Variants in ARHGEF10 observed in about 807,000 individuals in gnomAD.
The protein encoded by ARHGEF10 is Rho guanine nucleotide exchange factor 10.
ARHGEF10 carries 140 observed loss-of-function variants against 147.4 expected under a neutral mutation model. That is an observed-to-expected ratio of 0.95 (90% CI 0.83 to 1.09). The LOEUF is 1.09. Among genes scored for constraint, ARHGEF10 ranks in the 50% least tolerant of loss-of-function variants. The pLI, the probability that ARHGEF10 is intolerant of heterozygous loss-of-function variation, is 0.00. For missense variants in ARHGEF10, 2,222 were observed against 1,752.7 expected (o/e 1.27, Z -4.78); for synonymous variants, 902 against 695.8 (o/e 1.30, Z -4.67).
At chr8:1,883,907 C>T (rs1002982769) in intron 10 of ARHGEF10, among the ~76,000 whole-genome samples, 1 of 152,180 alleles carries the variant, frequency 6.6e-6, no homozygotes, top group Non-Finnish European at 1.5e-5. Flanking sequence ...ATTCCAGGAG[C>T]TGATCACAAC....
At chr8:1,877,909 G>A (rs932694073) in intron 8 of ARHGEF10, among the ~76,000 whole-genome samples, 1 of 152,012 alleles carries the variant, frequency 6.6e-6, no homozygotes. Flanking sequence ...GTCGATAACC[G>A]GTGTTATCCC....
intron 2 of ARHGEF10, among the ~76,000 whole-genome samples, chr8:1,848,653 A>C (rs1804737687): frequency 6.6e-6 from 1 of 152,244 alleles, no homozygotes; most frequent in Non-Finnish European, 1.5e-5. Flanking sequence ...AAAAAATTAC[A>C]ATGCATGTTA....
At chr8:1,950,259 C>G (rs1205966184) in intron 27 of ARHGEF10, among the ~76,000 whole-genome samples, 2 of 152,214 alleles carry the variant, frequency 1.3e-5, no homozygotes, top group African/African-American at 4.8e-5. Context: ...TTCTAGGTCA[C>G]TGTTGGTGCT....
chr8:1,925,448 GC>G (rs766376789), intron 22 of ARHGEF10, 44 bp downstream of exon 22: 43 of 1,611,042 alleles, frequency 2.7e-5, no homozygotes, highest in Non-Finnish European at 3.3e-5. Flanking sequence ...GACGCACCTC[GC>G]AGCTCTGAAT....
At position 1,892,277 on chromosome 8, in the gene ARHGEF10, CTGTGTGTGTGTGTGTGTGTGTG is replaced by C. The variant is rs66526026; in HGVS notation, c.1183-1262_1183-1241del. The stretch of plus-strand genomic sequence containing the variant: ...AGCTGCAGCTTCCCAGCTTCTGGCT[CTGTGTGTGTGTGTGTGTGTGTG>C]TGTGTGTGTGTGTGTGTGTGTGTGT... On this transcript the variant is annotated intron_variant, in intron 11 of 28. Coordinates refer to ENST00000349830, the MANE Select transcript of ARHGEF10 (RefSeq NM_014629.4). Among the ~76,000 whole-genome samples the C allele has an allele frequency of 2.8e-3, 358 of 126,642 alleles. 2 individuals carry two copies. The highest frequency in any genetic ancestry group is 3.9e-3 in the Non-Finnish European group (247 of 62,640). 83.1% of individuals were successfully genotyped at this position (126,642 alleles called of 152,430 possible).
At position 1,866,440 on chromosome 8, in the gene ARHGEF10, CA is replaced by C; in HGVS notation, c.546-85del. On this transcript the variant is annotated intron_variant, in intron 5 of 28. Coordinates refer to ENST00000349830, the MANE Select transcript of ARHGEF10 (RefSeq NM_014629.4). ...ATATTCTGACACACACACACACACA[CA>C]CACACACACTCTGCAGGGCAGTTGG... 6 of 1,045,418 alleles carry C rather than the reference CA, an allele frequency of 5.7e-6. No individual in the cohort carries two copies. In the Admixed American group the frequency reaches 1.0e-4, roughly 18 times the overall value. 64.8% of individuals were successfully genotyped at this position (1,045,418 alleles called of 1,614,324 possible). A position where few individuals can be genotyped will look rare whatever the true frequency, so the allele number is the denominator to read the frequency against.
rs182308729 is a variant in ARHGEF10, at chr8:1,901,335, G to C, written c.1651-1946G>C. On this transcript the variant is annotated intron_variant, in intron 15 of 28. Transcript: ENST00000349830. ...GTGACTCTCCTGGTCTCTGCTCTCCGGTCTTGCCTGCGTTCTTCCTGGTTA... is the reference window on the plus strand; with the variant it reads ...GTGACTCTCCTGGTCTCTGCTCTCCCGTCTTGCCTGCGTTCTTCCTGGTTA... 7.2e-4 allele frequency among the ~76,000 whole-genome samples: 110 copies of C among 152,206 alleles called. No individual in the cohort carries two copies. The South Asian group carries it at 0.017, about 24-fold the overall frequency.
Position 1,938,130 on chromosome 8 carries a change from T to TC in ARHGEF10, c.3222+4189dup, listed in dbSNP as rs1813774267. On this transcript the variant is annotated intron_variant, in intron 26 of 28. Coordinates refer to ENST00000349830, the MANE Select transcript of ARHGEF10 (RefSeq NM_014629.4). The stretch of plus-strand genomic sequence containing the variant: ...AGCTGCCGCACGGTGCCAGTCACAG[T>TC]CACCTGGATGCTTTAGGGGAGGGGA... 2.6e-5 allele frequency among the ~76,000 whole-genome samples: 4 copies of TC among 152,210 alleles called. No individual in the cohort carries two copies. The South Asian group carries it at 8.3e-4, about 31-fold the overall frequency.
chr8:1,833,203 GAGGCA>G (rs1803352432), intron 1 of ARHGEF10, among the ~76,000 whole-genome samples: 1 of 146,968 alleles, frequency 6.8e-6, no homozygotes. Flanking sequence ...AGCAGAGACA[GAGGCA>G]GAGGCAGAAG....
intron 1 of ARHGEF10, among the ~76,000 whole-genome samples, chr8:1,825,464 C>T (rs1337251617): frequency 1.4e-5 from 2 of 140,554 alleles, no homozygotes; most frequent in East Asian, 4.2e-4. Flanking sequence ...CCTGTTTACC[C>T]TGCACCCCAG....
intron 18 of ARHGEF10, among the ~76,000 whole-genome samples, chr8:1,916,827 A>G (rs1321700697): frequency 6.6e-6 from 1 of 152,252 alleles, no homozygotes; most frequent in East Asian, 1.9e-4. Context: ...GTTTAAAGAC[A>G]GTAAGAATGA....
At chr8:1,849,144 G>C (rs919972253) in intron 2 of ARHGEF10, among the ~76,000 whole-genome samples, 1 of 152,204 alleles carries the variant, frequency 6.6e-6, no homozygotes, top group African/African-American at 2.4e-5. Flanking sequence ...GTACCCTTTT[G>C]CTCATTAAGA....
At chr8:1,915,093 G>A (rs1239700258) in intron 18 of ARHGEF10, among the ~76,000 whole-genome samples, 1 of 152,182 alleles carries the variant, frequency 6.6e-6, no homozygotes, top group African/African-American at 2.4e-5. Context: ...TGCTCATGCG[G>A]CGTGTTCAGT....
chr8:1,910,337 T>C (rs1423254211), intron 18 of ARHGEF10, among the ~76,000 whole-genome samples: 1 of 152,234 alleles, frequency 6.6e-6, no homozygotes, highest in Non-Finnish European at 1.5e-5. Flanking sequence ...CAGAACATGA[T>C]GTAAGGAGTA....
At chr8:1,825,969 C>T (rs1228217893) in intron 1 of ARHGEF10, 10 of 691,696 alleles carry the variant, frequency 1.4e-5, no homozygotes, top group African/African-American at 3.6e-5. Flanking sequence ...AATTTTTATT[C>T]GAAAAGAGAG....
intron 5 of ARHGEF10, among the ~76,000 whole-genome samples, chr8:1,864,846 C>T (rs567902534): frequency 1.5e-3 from 230 of 152,334 alleles, no homozygotes; most frequent in African/African-American, 4.7e-3. Context: ...CCAGTTTAAA[C>T]AGAGTTGTGC....
rs1276858263 is a variant in ARHGEF10 at position 1,888,263 on chromosome 8, G to T, written c.1182+2556G>T. Among the ~76,000 whole-genome samples, 27 of 94,314 alleles carry T rather than the reference G, an allele frequency of 2.9e-4. 1 individual carries two copies. The highest frequency in any genetic ancestry group is 2.5e-3 in the East Asian group (6 of 2,436). The allele number at this position is 94,314 out of a possible 152,430, so 61.9% of individuals were successfully genotyped here. A position where few individuals can be genotyped will look rare whatever the true frequency, so the allele number is the denominator to read the frequency against. On this transcript the variant is annotated intron_variant, in intron 11 of 28. Coordinates refer to ENST00000349830, the MANE Select transcript of ARHGEF10 (RefSeq NM_014629.4). ...GTGGTGAGGGTTGCGAGGAGATGCT[G>T]AGTGGGGCTGTAGGTTCTGAGGAGG...
At chr8:1,929,140 T>C in intron 24 of ARHGEF10, 146 bp from the exon 25 acceptor site, 1 of 883,342 alleles carries the variant, frequency 1.1e-6, no homozygotes, top group East Asian at 2.6e-5. Flanking sequence ...GTTGCAAATT[T>C]TTTAAAAGTA....
chr8:1,956,890 A>G lies in ARHGEF10; in HGVS notation c.3662A>G (p.Asp1221Gly). The change falls in exon 29 of 29, where the codon GAC (aspartate) becomes GGC (glycine). Residue 1221 changes from aspartate to glycine, a missense_variant. By Grantham distance (94) the Asp-to-Gly change is moderately conservative. Coordinates refer to ENST00000349830, the MANE Select transcript of ARHGEF10 (RefSeq NM_014629.4). Reference protein sequence around the residue: ...GPEPQDEDQKDALPSGGAGSS... With the variant: ...GPEPQDEDQKGALPSGGAGSS... ...GAGCCTCAGGACGAAGACCAGAAGG[A>G]CGCACTTCCGAGTGGAGGAGCTGGT... 1 of 1,614,038 alleles carries G rather than the reference A, an allele frequency of 6.2e-7. No individual in the cohort carries two copies. The highest frequency in any genetic ancestry group is 8.5e-7 in the Non-Finnish European group (1 of 1,179,988).
Sources: gnomAD v4.1 joint callset for allele counts (sites outside exome capture counted in the v4.1 genomes callset) on GRCh38, gnomAD v4.1.1 for gene constraint, MANE v1.5 for transcripts, NCBI Gene and HGNC (gene_info 2026-07-23, HGNC 2026-07-21) for gene names.